The following MAP7D2 variants were observed in gnomAD, a reference collection of about 807,000 sequenced individuals.
MAP7D2 encodes MAP7 domain containing 2, also known as MAP7 domain-containing protein 2.
A neutral mutation model predicts 63.5 loss-of-function variants in MAP7D2; 33 were observed. The observed-to-expected ratio is 0.52, with a 90% confidence interval of 0.39 to 0.70. The LOEUF (loss-of-function observed/expected upper bound fraction) is 0.70. Ranked by LOEUF, MAP7D2 falls within the 30% of genes least tolerant of loss-of-function variation. The pLI, the probability that MAP7D2 is intolerant of heterozygous loss-of-function variation, is 0.00. For missense variants in MAP7D2, 626 were observed against 604.0 expected (o/e 1.04, Z -0.38); for synonymous variants, 224 against 223.7 (o/e 1.00, Z -0.01).
chrX:20,079,499 G>C (rs1029377526), intron 1 of MAP7D2, among the ~76,000 whole-genome samples: 3 of 111,703 alleles, frequency 2.7e-5, no homozygotes, highest in East Asian at 2.8e-4. Context: ...TACAGCTACA[G>C]TAAAACTGCC....
intron 3 of MAP7D2, among the ~76,000 whole-genome samples, chrX:20,059,633 A>AGGAAGGAAGGAAGGGT (rs1569096833): frequency 3.0e-5 from 3 of 98,763 alleles, no homozygotes; most frequent in Non-Finnish European, 6.2e-5. Context: ...GAAGGGTGGA[A>AGGAAGGAAGGAAGGGT]GGAAGGAAGG....
intron 1 of MAP7D2, among the ~76,000 whole-genome samples, chrX:20,109,301 C>A (rs1239618220): frequency 9.1e-6 from 1 of 109,660 alleles, no homozygotes; most frequent in Non-Finnish European, 1.9e-5. Context: ...GCAGGTGGAT[C>A]ATAAGGTCAG....
intron 5 of MAP7D2, chrX:20,052,558 G>C (rs974952023): frequency 2.3e-5 from 6 of 261,218 alleles, no homozygotes; most frequent in African/African-American, 1.1e-4. Context: ...TTACTTTAAT[G>C]GTCACATCTG....
In MAP7D2 at chrX:20,025,948, C is replaced by T. The variant is rs1399410893; in HGVS notation, c.1012G>A (p.Ala338Thr). The change falls in exon 9 of 17, where the codon GCT becomes ACT. Residue 338 changes from alanine (A) to threonine (T), a missense_variant. By Grantham distance (58) the Ala-to-Thr change is moderately conservative. Transcript: ENST00000379643. ...GGAGACTGTGGATAAGCTTTAGTAG[C>T]TGTCCTGGAAAACAAAAAATATGCC... Reference protein sequence around the residue: ...RPSSPVISKTATKAYPQSPKT... With the variant: ...RPSSPVISKTTTKAYPQSPKT... 8.3e-7 allele frequency: 1 copy of T among 1,208,074 alleles called. No individual in the cohort carries two copies. Among genetic ancestry groups the T allele is most frequent in the African/African-American group, 1.8e-5 (1 of 56,961 alleles).
In MAP7D2 at chrX:20,008,094, C is replaced by T. The variant is rs774222019; in HGVS notation, c.*331G>A. Reference sequence around the variant, plus strand: ...TTTGGGAATAAGAATGGTTATAAAGCGAATTGCCGAGCCAGTCACTCAGGT... The same window carrying T: ...TTTGGGAATAAGAATGGTTATAAAGTGAATTGCCGAGCCAGTCACTCAGGT... On this transcript the variant is annotated 3_prime_UTR_variant, in exon 17 of 17. Coordinates refer to ENST00000379643, the MANE Select transcript of MAP7D2 (RefSeq NM_001168465.2). The T allele has an allele frequency of 8.9e-6, 1 of 111,964 alleles. No individual in the cohort carries two copies. Among genetic ancestry groups the T allele is most frequent in the East Asian group, 2.8e-4 (1 of 3,564 alleles). 9.2% of individuals were successfully genotyped at this position (111,964 alleles called of 1,213,427 possible).
intron 13 of MAP7D2, 36 bp downstream of exon 13, chrX:20,013,533 T>A (rs1363094990): frequency 9.0e-7 from 1 of 1,106,336 alleles, no homozygotes; most frequent in Non-Finnish European, 1.2e-6. Flanking sequence ...TTCTACTTAG[T>A]ACATAAACTA....
At chrX:20,044,156 C>T (rs1282668938) in intron 7 of MAP7D2, among the ~76,000 whole-genome samples, 1 of 111,829 alleles carries the variant, frequency 8.9e-6, no homozygotes, top group African/African-American at 3.3e-5. Context: ...TAAGAATTTG[C>T]TCCAAGGTAC....
intron 8 of MAP7D2, among the ~76,000 whole-genome samples, chrX:20,039,677 G>A (rs951960922): frequency 1.8e-5 from 2 of 110,755 alleles, no homozygotes; most frequent in African/African-American, 6.6e-5. Flanking sequence ...CCTCAATCTG[G>A]GTGGGTACCA....
chrX:20,099,021 C>T (rs2066352808), intron 1 of MAP7D2, among the ~76,000 whole-genome samples: 1 of 112,749 alleles, frequency 8.9e-6, no homozygotes, highest in Non-Finnish European at 1.9e-5. Context: ...CTGTGAACCA[C>T]ACATGTACTT....
At chrX:20,116,203 G>C (rs943884286) in intron 1 of MAP7D2, among the ~76,000 whole-genome samples, 1 of 113,034 alleles carries the variant, frequency 8.8e-6, no homozygotes, top group African/African-American at 3.2e-5. Context: ...AGGAGCACCC[G>C]GTCCGGGGCA....
At chrX:20,116,427 G>T (rs375847845) in intron 1 of MAP7D2, 10 of 346,766 alleles carry the variant, frequency 2.9e-5, no homozygotes, top group African/African-American at 2.3e-4. Flanking sequence ...CATGCCGGCT[G>T]CTCCTCGAGG....
chrX:20,030,304 C>T (rs1411700807), intron 8 of MAP7D2, among the ~76,000 whole-genome samples: 1 of 111,702 alleles, frequency 9.0e-6, no homozygotes, highest in African/African-American at 3.3e-5. Flanking sequence ...ACAAGAGTAC[C>T]AGGGCTGGCA....
chrX:20,084,160 C>T (rs1158860864), intron 1 of MAP7D2, among the ~76,000 whole-genome samples: 4 of 102,797 alleles, frequency 3.9e-5, no homozygotes, highest in Non-Finnish European at 7.9e-5. Context: ...GAGACCGCAT[C>T]GCTGCACCCC....
chrX:20,110,662 CAAA>C (rs1282020261), intron 1 of MAP7D2, among the ~76,000 whole-genome samples: 4 of 33,059 alleles, frequency 1.2e-4, no homozygotes, highest in African/African-American at 3.1e-4. Context: ...GACTCTGTCT[CAAA>C]AAAAAAAAAA....
At chrX:20,094,508 A>ATATG (rs2066168070) in intron 1 of MAP7D2, among the ~76,000 whole-genome samples, 1 of 11,542 alleles carries the variant, frequency 8.7e-5, no homozygotes, top group African/African-American at 4.6e-4. Context: ...ATATATATAT[A>ATATG]TATATATGTA....
At chrX:20,013,964 G>A (rs1019616815) in intron 12 of MAP7D2, among the ~76,000 whole-genome samples, 5 of 112,277 alleles carry the variant, frequency 4.5e-5, no homozygotes, top group Non-Finnish European at 9.4e-5. Flanking sequence ...AAGTGAGGCT[G>A]AGGCTGAGGT....
At chrX:20,087,199 T>A (rs1313276951) in intron 1 of MAP7D2, among the ~76,000 whole-genome samples, 1 of 112,274 alleles carries the variant, frequency 8.9e-6, no homozygotes. Flanking sequence ...GTAACACATA[T>A]GCTATAGTCT....
chrX:20,113,553 G>C (rs2066805064), intron 1 of MAP7D2, among the ~76,000 whole-genome samples: 1 of 112,318 alleles, frequency 8.9e-6, no homozygotes, highest in African/African-American at 3.2e-5. Context: ...GATCTGAACA[G>C]TTTTAGGATT....
chrX:20,090,533 A>G (rs1234786122), intron 1 of MAP7D2, among the ~76,000 whole-genome samples: 2 of 111,950 alleles, frequency 1.8e-5, no homozygotes, highest in Non-Finnish European at 3.8e-5. Context: ...TCCCACAAAA[A>G]AATTGACTAT....
Sources: gnomAD v4.1 joint callset for allele counts (sites outside exome capture counted in the v4.1 genomes callset) on GRCh38, gnomAD v4.1.1 for gene constraint, MANE v1.5 for transcripts, NCBI Gene and HGNC (gene_info 2026-07-23, HGNC 2026-07-21) for gene names.